PHF14: variants seen among roughly 807,000 people sequenced by gnomAD.
The protein encoded by PHF14 is PHD finger protein 14.
Under a neutral mutation model 117.9 loss-of-function variants are expected in PHF14, and 55 were observed. The ratio of observed to expected loss-of-function variants is 0.47; its 90% CI spans 0.38 to 0.58. PHF14 has a LOEUF of 0.58. Among genes scored for constraint, PHF14 ranks in the 20% least tolerant of loss-of-function variants. The pLI is 0.00. For synonymous variants in PHF14, 409 were observed against 368.6 expected (o/e 1.11, Z -1.26); for missense variants, 978 against 1,122.2 (o/e 0.87, Z 1.84).
chr7:11,032,866 T>C (rs1346023890), intron 7 of PHF14, among the ~76,000 whole-genome samples: 1 of 152,144 alleles, frequency 6.6e-6, no homozygotes, highest in East Asian at 1.9e-4. Context: ...TATTTAGAAA[T>C]CTCCTTAAAT....
chr7:11,009,055 CTT>C (rs907112230), intron 4 of PHF14, among the ~76,000 whole-genome samples: 1 of 140,820 alleles, frequency 7.1e-6, no homozygotes, highest in Non-Finnish European at 1.6e-5. Flanking sequence ...AAAAAAAAGT[CTT>C]TTTTATTGAT....
At chr7:10,976,190 G>A (rs1472049195) in intron 2 of PHF14, among the ~76,000 whole-genome samples, 1 of 152,038 alleles carries the variant, frequency 6.6e-6, no homozygotes, top group Non-Finnish European at 1.5e-5. Flanking sequence ...TGACTATTTG[G>A]TTACTAATTG....
chr7:11,100,883 C>CA (rs1787061828), intron 16 of PHF14, among the ~76,000 whole-genome samples: 1 of 151,552 alleles, frequency 6.6e-6, no homozygotes, highest in Non-Finnish European at 1.5e-5. Context: ...TTTGTTGGGA[C>CA]AAAAAAAGTA....
At chr7:11,017,188 G>A (rs1027535764) in intron 5 of PHF14, among the ~76,000 whole-genome samples, 27 of 152,138 alleles carry the variant, frequency 1.8e-4, no homozygotes, top group African/African-American at 5.8e-4. Context: ...CTTAGCTATT[G>A]TAAACAGTGC....
chr7:10,986,534 C>T (rs1382031736), intron 3 of PHF14, among the ~76,000 whole-genome samples: 1 of 152,162 alleles, frequency 6.6e-6, no homozygotes, highest in East Asian at 1.9e-4. Context: ...TGGACCACAC[C>T]TTGAGAACTG....
At chr7:11,151,027 A>T (rs1325161292) in intron 17 of PHF14, among the ~76,000 whole-genome samples, 2 of 152,206 alleles carry the variant, frequency 1.3e-5, no homozygotes, top group Non-Finnish European at 2.9e-5. Flanking sequence ...AATAAAAGAT[A>T]TATCAATGAT....
chr7:10,999,489 TC>T (rs1399253191), intron 4 of PHF14, among the ~76,000 whole-genome samples: 2 of 152,312 alleles, frequency 1.3e-5, no homozygotes, highest in East Asian at 3.9e-4. Flanking sequence ...GGGGACTAGT[TC>T]CATGTACATT....
chr7:11,052,497 A>G (rs1034029784), intron 14 of PHF14, among the ~76,000 whole-genome samples: 1 of 152,138 alleles, frequency 6.6e-6, no homozygotes, highest in East Asian at 1.9e-4. Context: ...TTGTGTATGT[A>G]TTAAGGTGTA....
chr7:11,080,610 G>C (rs761616433), intron 16 of PHF14, among the ~76,000 whole-genome samples: 9 of 151,922 alleles, frequency 5.9e-5, no homozygotes, highest in Non-Finnish European at 1.3e-4. Context: ...AAAATAGAAG[G>C]GTTTACATTT....
At chr7:11,110,499 T>C in intron 16 of PHF14, 1 of 968,876 alleles carries the variant, frequency 1.0e-6, no homozygotes, top group Non-Finnish European at 1.2e-6. Flanking sequence ...ACTGAAATAA[T>C]ACAGATTTTT....
At chr7:11,083,041 C>G (rs537284577) in intron 16 of PHF14, among the ~76,000 whole-genome samples, 89 of 152,254 alleles carry the variant, frequency 5.8e-4, no homozygotes, top group Non-Finnish European at 1.1e-3. Flanking sequence ...ACCCCCTCTC[C>G]CCTCTCTCCC....
intron 7 of PHF14, 52 bp from the exon 8 acceptor site, chr7:11,035,588 T>A: frequency 8.3e-7 from 1 of 1,203,390 alleles, no homozygotes; most frequent in Non-Finnish European, 1.1e-6. Context: ...AGGTCTTTTA[T>A]GACTCTTGGG....
intron 16 of PHF14, among the ~76,000 whole-genome samples, chr7:11,094,891 ATGG>A (rs1786786328): frequency 6.6e-6 from 1 of 152,002 alleles, no homozygotes; most frequent in African/African-American, 2.4e-5. Flanking sequence ...CAGCTCTCTC[ATGG>A]CTTGAAAAGT....
chr7:11,129,582 T>G (rs1489335546), intron 17 of PHF14, among the ~76,000 whole-genome samples: 1 of 151,054 alleles, frequency 6.6e-6, no homozygotes, highest in African/African-American at 2.4e-5. Flanking sequence ...ACATAAAATT[T>G]AAGAGACAGT....
At chr7:11,166,244 G>A (rs1394385226) in intron 17 of PHF14, among the ~76,000 whole-genome samples, 3 of 151,696 alleles carry the variant, frequency 2.0e-5, no homozygotes, top group Non-Finnish European at 4.4e-5. Flanking sequence ...TGTCAAACTT[G>A]TCAGGGCTGT....
intron 14 of PHF14, among the ~76,000 whole-genome samples, chr7:11,057,733 A>C (rs1785066574): frequency 6.6e-6 from 1 of 152,170 alleles, no homozygotes; most frequent in East Asian, 1.9e-4. Flanking sequence ...TTTCAGTTTA[A>C]ATACATTGTC....
chr7:11,023,771 T>C (rs1055389928), intron 6 of PHF14, among the ~76,000 whole-genome samples: 1 of 152,030 alleles, frequency 6.6e-6, no homozygotes, highest in African/African-American at 2.4e-5. Context: ...GAGGTTGCAG[T>C]GAGCTGAGAT....
At chr7:11,149,620 C>CACTT (rs1168992952) in intron 17 of PHF14, among the ~76,000 whole-genome samples, 1 of 152,142 alleles carries the variant, frequency 6.6e-6, no homozygotes, top group Non-Finnish European at 1.5e-5. Flanking sequence ...CCTAGAACTA[C>CACTT]ACTTGGTGGG....
At chr7:11,102,271 G>A (rs554891562) in intron 16 of PHF14, among the ~76,000 whole-genome samples, 15 of 151,782 alleles carry the variant, frequency 9.9e-5, no homozygotes, top group African/African-American at 3.4e-4. Flanking sequence ...ACAAGAGGAG[G>A]CAACTCAATG....
Sources: allele counts gnomAD v4.1 joint callset (sites outside exome capture counted in the v4.1 genomes callset), GRCh38; gene constraint gnomAD v4.1.1; transcripts MANE v1.5; gene names NCBI Gene and HGNC (gene_info 2026-07-23, HGNC 2026-07-21).